The following DHX37 variants were observed in gnomAD, a reference collection of about 807,000 sequenced individuals.
The protein encoded by DHX37 is probable ATP-dependent RNA helicase DHX37.
DHX37 carries 52 observed loss-of-function variants against 134.3 expected under a neutral mutation model. The ratio of observed to expected loss-of-function variants is 0.39; its 90% confidence interval spans 0.31 to 0.49. The LOEUF (loss-of-function observed/expected upper bound fraction) is 0.49. DHX37 is among the 20% of genes least tolerant of loss of function. DHX37 has a pLI of 0.93. For synonymous variants in DHX37, 634 were observed against 670.7 expected, an observed-to-expected ratio of 0.95 and a Z score of 0.85; for missense variants, 1,344 against 1,580.8, an observed-to-expected ratio of 0.85 and a Z score of 2.54.
chr12:124,980,691 C>T lies in DHX37; in HGVS notation c.537G>A (p.Leu179=), dbSNP rs774268439. 5 of 1,579,814 alleles carry T rather than the reference C, an allele frequency of 3.2e-6. No individual in the cohort carries two copies. The highest frequency in any genetic ancestry group is 2.7e-5 in the African/African-American group (2 of 74,174). Reference sequence around the variant, plus strand: ...CCGGCTCAGCAGCTGGGTCCTCGTCCAGCTCCGACTCCTCCTCCAGCTCCG... The same window carrying T: ...CCGGCTCAGCAGCTGGGTCCTCGTCTAGCTCCGACTCCTCCTCCAGCTCCG... ...SESELEEESE[L]DEDPAAEPAE... Residue 179 remains leucine, a synonymous_variant, in exon 4 of 27, where the codon CTG becomes CTA. Transcript: ENST00000308736. This position sits in a 1 kb window ranked among gnomAD's most constrained non-coding sequence, Gnocchi z 5.3.
chr12:124,973,753 T>TGGCTCA (rs1954570877), intron 6 of DHX37, among the ~76,000 whole-genome samples: 1 of 151,544 alleles, frequency 6.6e-6, no homozygotes, highest in African/African-American at 2.4e-5. Flanking sequence ...GGGATTCTTC[T>TGGCTCA]GCCTCAGCCT....
intron 3 of DHX37, among the ~76,000 whole-genome samples, chr12:124,981,263 G>A (rs894449756): frequency 3.3e-5 from 5 of 151,056 alleles, no homozygotes; most frequent in African/African-American, 1.2e-4. Flanking sequence ...CTCTGCACTC[G>A]ATAAACAGTC....
At position 124,985,710 on chromosome 12, in the gene DHX37, G is replaced by A. The variant is rs1426736626; in HGVS notation, c.276+386C>T. On this transcript the variant is annotated intron_variant, in intron 2 of 26. Coordinates refer to ENST00000308736, the MANE Select transcript of DHX37 (RefSeq NM_032656.4). ...ATCATTTCACTGCACTCCAGCCTGGGCAACAGAGCAAGACTCCATCTCAAA... is the reference window on the plus strand; with the variant it reads ...ATCATTTCACTGCACTCCAGCCTGGACAACAGAGCAAGACTCCATCTCAAA... Among the ~76,000 whole-genome samples, 18 of 146,626 alleles carry A rather than the reference G, an allele frequency of 1.2e-4. No homozygotes were observed. In the East Asian group the frequency reaches 3.6e-3, roughly 30 times the overall value.
chr12:124,971,609 C>G (rs1339298524), intron 7 of DHX37, among the ~76,000 whole-genome samples, 194 bp from the exon 8 acceptor site: 1 of 152,166 alleles, frequency 6.6e-6, no homozygotes, highest in Non-Finnish European at 1.5e-5. Flanking sequence ...TGGGGTGGGG[C>G]CGTGGGCAGT....
chr12:124,967,276 C>A (rs924093176), intron 10 of DHX37, 58 bp from the exon 11 acceptor site: 14 of 1,559,140 alleles, frequency 9.0e-6, no homozygotes, highest in East Asian at 7.2e-5. Context: ...ATTTGCTTAG[C>A]AAAAGCACCT....
Position 124,949,932 on chromosome 12 carries a change from A to T in DHX37, c.3290+54T>A. 2 of 1,544,528 alleles carry T rather than the reference A, an allele frequency of 1.3e-6. No individual in the cohort carries two copies. Among genetic ancestry groups the T allele is most frequent in the African/African-American group, 1.4e-5 (1 of 73,258 alleles). ...TTGTCCTGGCAGCCCCGGGGAGGTCATTCAGGCCTCGGACCCCTCCTGCCC... is the reference window on the plus strand; with the variant it reads ...TTGTCCTGGCAGCCCCGGGGAGGTCTTTCAGGCCTCGGACCCCTCCTGCCC... On this transcript the variant is annotated intron_variant, in intron 25 of 26. Transcript: ENST00000308736. The surrounding 1 kb of genome is among the most constrained non-coding windows in gnomAD (Gnocchi z 4.0).
intron 3 of DHX37, among the ~76,000 whole-genome samples, 193 bp downstream of exon 3, chr12:124,982,318 C>T (rs771770191): frequency 7.2e-5 from 11 of 152,116 alleles, no homozygotes; most frequent in Non-Finnish European, 1.0e-4. Context: ...TCCTGTGTGT[C>T]GCAGAAGGTT....
intron 2 of DHX37, among the ~76,000 whole-genome samples, chr12:124,982,898 C>T (rs1203302830): frequency 1.3e-5 from 2 of 152,076 alleles, no homozygotes; most frequent in Non-Finnish European, 2.9e-5. Context: ...TGTCCATCAA[C>T]AGGAGATGAA....
chr12:124,980,578 G>C lies in DHX37; in HGVS notation c.650C>G (p.Pro217Arg), dbSNP rs564035583. ...SQPVPAGMTV[P>R]PPPAAAPPLP... ...TGGTGGGGCTGCAGCTGGAGGAGGAGGAACAGTCATCCCAGCCGGCACGGG... is the reference window on the plus strand; with the variant it reads ...TGGTGGGGCTGCAGCTGGAGGAGGACGAACAGTCATCCCAGCCGGCACGGG... Residue 217 changes from proline (P) to arginine (R), a missense_variant, in exon 4 of 27, where the codon CCT (proline) becomes CGT (arginine). Around this residue, in one of 7 missense-constraint regions of DHX37, gnomAD observed 319 missense variants for 296.1 expected, o/e 1.08. Transcript: ENST00000308736. The surrounding 1 kb of genome is among the most constrained non-coding windows in gnomAD (Gnocchi z 5.3). The C allele has an allele frequency of 7.4e-6, 12 of 1,611,580 alleles. No individual in the cohort carries two copies. In the African/African-American group the frequency reaches 1.2e-4, roughly 16 times the overall value.
At position 124,960,355 on chromosome 12, in the gene DHX37, A is replaced by G; in HGVS notation, c.2114T>C (p.Val705Ala). Residue 705 changes from valine (V) to alanine (A), a missense_variant, in exon 16 of 27, where the codon GTT (valine) becomes GCT (alanine). Physicochemically the swap from Val to Ala is moderately conservative, Grantham distance 64. Transcript: ENST00000308736. ...CTTCATTTGAAGGATTAAGTCTTCAACAGGCCTCCGGGTGATTTCTGGAGG... is the reference window on the plus strand; with the variant it reads ...CTTCATTTGAAGGATTAAGTCTTCAGCAGGCCTCCGGGTGATTTCTGGAGG... The part of the protein sequence containing the change: ...FPPPEITRRP[V>A]EDLILQMKAL... 6.2e-7 allele frequency: 1 copy of G among 1,614,184 alleles called. No homozygotes were observed. The highest frequency in any genetic ancestry group is 1.1e-5 in the South Asian group (1 of 91,088).
At chr12:124,983,162 G>A (rs188706352) in intron 2 of DHX37, among the ~76,000 whole-genome samples, 312 of 152,206 alleles carry the variant, frequency 2.0e-3, no homozygotes, top group African/African-American at 7.0e-3. Flanking sequence ...AGGCTGGAGT[G>A]CAGTGGTGCG....
In DHX37 at chr12:124,968,641, G is replaced by T; in HGVS notation, c.1301C>A (p.Ser434Tyr). 6.2e-7 allele frequency: 1 copy of T among 1,614,080 alleles called. No individual in the cohort carries two copies. The highest frequency in any genetic ancestry group is 1.1e-5 in the South Asian group (1 of 91,086). ...ATGCACAGTCACTGGGAACTGCCTG[G>T]ATTCCACCTGTGGGACGCCCAGGAA... ...AKPPPVIKVE[S>Y]RQFPVTVHFN... The change falls in exon 10 of 27, where the codon TCC becomes TAC. Residue 434 changes from serine to tyrosine, a missense_variant. By Grantham distance (144) the Ser-to-Tyr change is moderately radical. Coordinates refer to ENST00000308736, the MANE Select transcript of DHX37 (RefSeq NM_032656.4).
At chr12:124,985,644 G>GGCT (rs1954855884) in intron 2 of DHX37, among the ~76,000 whole-genome samples, 2 of 150,588 alleles carry the variant, frequency 1.3e-5, no homozygotes, top group South Asian at 4.2e-4. Flanking sequence ...CTACACAGGA[G>GGCT]GCTGAGGCAG....
At chr12:124,967,955 C>G (rs931709588) in intron 10 of DHX37, among the ~76,000 whole-genome samples, 2 of 152,002 alleles carry the variant, frequency 1.3e-5, no homozygotes, top group African/African-American at 4.8e-5. Context: ...CAGTGTGGGA[C>G]CTGTAATCCC....
chr12:124,978,678 C>A (rs1056591362), intron 4 of DHX37, among the ~76,000 whole-genome samples: 2 of 150,646 alleles, frequency 1.3e-5, no homozygotes, highest in African/African-American at 2.4e-5. Context: ...GTAATCCCAG[C>A]GACTTGAGAG....
intron 15 of DHX37, among the ~76,000 whole-genome samples, chr12:124,961,949 T>TA (rs897378113): frequency 4.6e-5 from 7 of 150,936 alleles, no homozygotes; most frequent in Admixed American, 6.6e-5. Context: ...GCTTTCATAT[T>TA]AAAAAAAAAG....
chr12:124,950,922 T>G (rs1391852424), intron 21 of DHX37, 118 bp from the exon 22 acceptor site: 1 of 1,370,600 alleles, frequency 7.3e-7, no homozygotes, highest in Non-Finnish European at 9.5e-7. Context: ...GGGAGAGTGC[T>G]CCATCTGCCG....
chr12:124,947,952 CA>C, intron 26 of DHX37, 65 bp from the exon 27 acceptor site: 1 of 1,611,420 alleles, frequency 6.2e-7, no homozygotes, highest in Non-Finnish European at 8.5e-7. Flanking sequence ...CCTCAGGTGG[CA>C]AAAAGCTGGC....
intron 18 of DHX37, among the ~76,000 whole-genome samples, chr12:124,954,822 G>A (rs1954059567): frequency 6.6e-6 from 1 of 152,214 alleles, no homozygotes; most frequent in Non-Finnish European, 1.5e-5. Flanking sequence ...CTTAACATAT[G>A]TGTCAGGCAC....
Sources: allele counts gnomAD v4.1 joint callset (sites outside exome capture counted in the v4.1 genomes callset), GRCh38; gene constraint gnomAD v4.1.1; regional missense constraint gnomAD v4.1.1; non-coding constraint Gnocchi (gnomAD v3.1); transcripts MANE v1.5; gene names NCBI Gene and HGNC (gene_info 2026-07-23, HGNC 2026-07-21).